Variants in TUBA1C observed in about 807,000 individuals in gnomAD.
TUBA1C encodes tubulin alpha 1c.
TUBA1C carries 16 observed loss-of-function variants against 34.9 expected under a neutral mutation model. The observed-to-expected ratio is 0.46, with a 90% CI of 0.31 to 0.70. The LOEUF (loss-of-function observed/expected upper bound fraction) is 0.70, where lower values mean the gene tolerates loss of function less well. Among genes scored for constraint, TUBA1C ranks in the 30% least tolerant of loss-of-function variants. The pLI, the probability that TUBA1C is intolerant of heterozygous loss-of-function variation, is 0.05. For missense variants in TUBA1C, 329 were observed against 587.3 expected (o/e 0.56, Z 4.55); for synonymous variants, 177 against 215.9 (o/e 0.82, Z 1.58).
At chr12:49,259,996 G>A (rs1251238665) in intron 1 of TUBA1C, among the ~76,000 whole-genome samples, 2 of 152,130 alleles carry the variant, frequency 1.3e-5, no homozygotes, top group Admixed American at 1.3e-4. Flanking sequence ...ACCTTCAGGG[G>A]CCTTCTACTT....
intron 1 of TUBA1C, among the ~76,000 whole-genome samples, chr12:49,249,102 G>C (rs1942706523): frequency 6.6e-6 from 1 of 151,446 alleles, no homozygotes; most frequent in South Asian, 2.1e-4. Context: ...GAAAAGAAAG[G>C]TCTCAAATCA....
At chr12:49,270,200 G>C in intron 3 of TUBA1C, 1 of 888,908 alleles carries the variant, frequency 1.1e-6, no homozygotes, top group Admixed American at 2.1e-5. Flanking sequence ...TTCAAGCTGA[G>C]ACACCCCTTT....
intron 1 of TUBA1C, among the ~76,000 whole-genome samples, chr12:49,242,217 CT>C (rs1942624846): frequency 6.6e-6 from 1 of 151,998 alleles, no homozygotes; most frequent in Non-Finnish European, 1.5e-5. Flanking sequence ...TTTTGTACTC[CT>C]GGCCTCAAGC....
chr12:49,264,633 G>C (rs889093811), upstream of TUBA1C: 1 of 152,288 alleles, frequency 6.6e-6, no homozygotes, highest in African/African-American at 2.4e-5. Flanking sequence ...CTTCCCTCCT[G>C]GGCGCGGTCG....
chr12:49,238,629 G>A (rs531064761), intron 1 of TUBA1C, among the ~76,000 whole-genome samples: 5 of 151,856 alleles, frequency 3.3e-5, no homozygotes, highest in African/African-American at 1.2e-4. Flanking sequence ...TTTGTTTACC[G>A]GTTTATTACA....
chr12:49,258,512 C>T (rs1397847334), intron 1 of TUBA1C, among the ~76,000 whole-genome samples: 5 of 152,112 alleles, frequency 3.3e-5, no homozygotes, highest in African/African-American at 1.2e-4. Flanking sequence ...ACTGCAACCT[C>T]CACCTCCCTA....
intron 1 of TUBA1C, among the ~76,000 whole-genome samples, chr12:49,235,892 A>G (rs1037995012): frequency 5.3e-5 from 8 of 152,204 alleles, no homozygotes; most frequent in Non-Finnish European, 1.2e-4. Flanking sequence ...GGCTCAACTC[A>G]TTTAATTTCC....
chr12:49,255,405 A>AAAAAAT (rs533723121), intron 1 of TUBA1C, among the ~76,000 whole-genome samples: 1,512 of 141,260 alleles, frequency 0.011, 15 homozygotes, highest in Middle Eastern at 0.027. Context: ...ATCTTTAAAA[A>AAAAAAT]ATATATATAT....
chr12:49,270,054 T>G, intron 3 of TUBA1C, 78 bp downstream of exon 3: 2 of 1,613,266 alleles, frequency 1.2e-6, no homozygotes, highest in Non-Finnish European at 1.7e-6. Context: ...AATCATTCTT[T>G]GCAACTAAAA....
chr12:49,270,243 T>C (rs927097718), intron 3 of TUBA1C: 1 of 605,240 alleles, frequency 1.7e-6, no homozygotes, highest in Non-Finnish European at 2.9e-6. Flanking sequence ...AGTGAGTAGG[T>C]AGCTGACTTC....
In TUBA1C at chr12:49,272,340, G is replaced by C. The variant is rs777838541; in HGVS notation, c.463G>C (p.Glu155Gln). Residue 155 changes from glutamate to glutamine, a missense_variant, in exon 4 of 4, where the codon GAA becomes CAA. Physicochemically the swap from Glu to Gln is conservative, Grantham distance 29. Coordinates refer to ENST00000301072, the MANE Select transcript of TUBA1C (RefSeq NM_032704.5). ...TTCTGGGTTCACCTCGCTGCTCATG[G>C]AACGTCTCTCAGTTGATTATGGCAA... The part of the protein sequence containing the change: ...TGSGFTSLLM[E>Q]RLSVDYGKKS... The C allele has an allele frequency of 6.2e-7, 1 of 1,613,938 alleles. No homozygotes were observed. Among genetic ancestry groups the C allele is most frequent in the African/African-American group, 1.3e-5 (1 of 74,898 alleles).
chr12:49,242,139 G>A lies in TUBA1C; in HGVS notation c.213+13973G>A, dbSNP rs562452956. The stretch of plus-strand genomic sequence containing the variant: ...CGAGTAACTGGGATTACAGGTGCCC[G>A]CCACCACACCTGGCTAATTTTTTGT... On this transcript the variant is annotated intron_variant, in intron 1 of 3. Transcript: ENST00000541364. Among the ~76,000 whole-genome samples the A allele has an allele frequency of 6.6e-5, 10 of 151,200 alleles. 1 individual carries two copies. In the South Asian group the frequency reaches 1.9e-3, roughly 28 times the overall value.
At chr12:49,253,892 G>C (rs1342376502) in intron 1 of TUBA1C, among the ~76,000 whole-genome samples, 1 of 152,136 alleles carries the variant, frequency 6.6e-6, no homozygotes, top group Non-Finnish European at 1.5e-5. Flanking sequence ...CAAGAAAAAG[G>C]GTTAAATTAT....
rs1315610860 is a variant in TUBA1C at position 49,265,149 on chromosome 12, C to T, written c.-33C>T. 1.9e-6 allele frequency: 3 copies of T among 1,598,776 alleles called. No homozygotes were observed. Among genetic ancestry groups the T allele is most frequent in the East Asian group, 2.2e-5 (1 of 44,534 alleles). ...ATCCTTGTTGCCGTCCCTTCGCCTC[C>T]TTCACCGCCGCAGACCCCTTCAAGT... On this transcript the variant is annotated 5_prime_UTR_variant, in exon 1 of 4. Coordinates refer to ENST00000301072, the MANE Select transcript of TUBA1C (RefSeq NM_032704.5).
At chr12:49,245,643 G>C (rs963550705) in intron 1 of TUBA1C, among the ~76,000 whole-genome samples, 6 of 152,186 alleles carry the variant, frequency 3.9e-5, no homozygotes, top group African/African-American at 7.2e-5. Context: ...ATAACAGTGG[G>C]AATCTGTGGC....
intron 1 of TUBA1C, chr12:49,256,333 C>A: frequency 2.4e-6 from 1 of 419,778 alleles, no homozygotes; most frequent in South Asian, 1.7e-5. Flanking sequence ...GAAAGAACAG[C>A]GTGAATTTAA....
chr12:49,266,464 C>T (rs879591233), intron 1 of TUBA1C, among the ~76,000 whole-genome samples: 29 of 151,904 alleles, frequency 1.9e-4, no homozygotes, highest in Admixed American at 2.0e-4. Flanking sequence ...CCAGAGTAAA[C>T]TAGTACCACG....
At chr12:49,270,855 T>C (rs1942982079) in intron 3 of TUBA1C, among the ~76,000 whole-genome samples, 1 of 151,976 alleles carries the variant, frequency 6.6e-6, no homozygotes, top group South Asian at 2.1e-4. Flanking sequence ...GGTGGGCGCC[T>C]GTAGTCCTAG....
intron 1 of TUBA1C, among the ~76,000 whole-genome samples, chr12:49,248,867 CAAAAAAAA>C (rs201685193): frequency 6.6e-5 from 4 of 60,780 alleles, no homozygotes; most frequent in African/African-American, 2.0e-4. Context: ...GACTCCCTCT[CAAAAAAAA>C]AAAAAAAAAA....
Sources: allele counts gnomAD v4.1 joint callset (sites outside exome capture counted in the v4.1 genomes callset), GRCh38; gene constraint gnomAD v4.1.1; transcripts MANE v1.5; gene names NCBI Gene and HGNC (gene_info 2026-07-23, HGNC 2026-07-21).